The following WDR7 variants were observed in gnomAD, a reference collection of about 807,000 sequenced individuals.
WDR7 encodes WD repeat-containing protein 7.
WDR7 carries 46 observed loss-of-function variants against 169.4 expected under a neutral mutation model. The observed-to-expected ratio is 0.27, with a 90% CI of 0.21 to 0.35. The LOEUF (loss-of-function observed/expected upper bound fraction) is 0.35, where lower values mean the gene tolerates loss of function less well. Among genes scored for constraint, WDR7 ranks in the 10% least tolerant of loss-of-function variants. The pLI, the probability that WDR7 is intolerant of heterozygous loss-of-function variation, is 1.00. For missense variants in WDR7, 1,534 were observed against 1,859.3 expected (o/e 0.83, Z 3.22); for synonymous variants, 612 against 666.8 (o/e 0.92, Z 1.27).
At chr18:56,865,041 A>G (rs1225907376) in intron 20 of WDR7, among the ~76,000 whole-genome samples, 2 of 152,002 alleles carry the variant, frequency 1.3e-5, no homozygotes, top group East Asian at 3.8e-4. Context: ...ACTCTAATCC[A>G]GCGGTAAATA....
chr18:56,851,339 C>T (rs1286235546), intron 20 of WDR7, among the ~76,000 whole-genome samples: 1 of 152,090 alleles, frequency 6.6e-6, no homozygotes, highest in East Asian at 1.9e-4. Flanking sequence ...ACGCTGTTCC[C>T]ACCCTATATC....
chr18:57,011,694 T>A (rs1177218218), intron 26 of WDR7, among the ~76,000 whole-genome samples: 1 of 152,182 alleles, frequency 6.6e-6, no homozygotes, highest in African/African-American at 2.4e-5. Context: ...GGTTTTCAAC[T>A]CTCAAATCTC....
chr18:56,951,806 A>G (rs1331865644), intron 25 of WDR7, among the ~76,000 whole-genome samples: 2 of 152,168 alleles, frequency 1.3e-5, no homozygotes, highest in African/African-American at 4.8e-5. Flanking sequence ...AATAATTTTC[A>G]ACCTCTTTAA....
At chr18:56,732,463 G>A (rs567558202) in intron 14 of WDR7, among the ~76,000 whole-genome samples, 6 of 152,178 alleles carry the variant, frequency 3.9e-5, no homozygotes, top group African/African-American at 1.4e-4. Context: ...TTAGACATGT[G>A]AATAAATAGT....
intron 21 of WDR7, among the ~76,000 whole-genome samples, chr18:56,915,174 T>C (rs1004403021): frequency 2.6e-5 from 4 of 152,354 alleles, no homozygotes; most frequent in Non-Finnish European, 4.4e-5. Context: ...ACAAAGCTTC[T>C]AGTTATAGAA....
intron 12 of WDR7, among the ~76,000 whole-genome samples, chr18:56,698,232 T>C (rs475035): frequency 0.92 from 139,488 of 152,172 alleles, 65,142 homozygotes; most frequent in East Asian, 1. Context: ...CACAAGGTCA[T>C]GCTCTCTATT....
At position 56,935,939 on chromosome 18, in the gene WDR7, C is replaced by A. The variant is rs1193026600; in HGVS notation, c.3831+34C>A. On this transcript the variant is annotated intron_variant, in intron 23 of 27. Transcript: ENST00000254442. ...AACTTCTCAGTGTGCTCCATCTTCT[C>A]ATTTAGAGGAATTATTTGATACTAT... The A allele has an allele frequency of 1.9e-6, 3 of 1,560,334 alleles. No individual in the cohort carries two copies. The East Asian group carries it at 6.7e-5, about 35-fold the overall frequency.
At position 57,027,099 on chromosome 18, in the gene WDR7, G is replaced by A. The variant is rs547450912; in HGVS notation, c.4365G>A (p.Ala1455=). 28 of 1,614,136 alleles carry A rather than the reference G, an allele frequency of 1.7e-5. No individual in the cohort carries two copies. The highest frequency in any genetic ancestry group is 1.6e-4 in the South Asian group (15 of 91,088). ...ACCAGGTGCCCCCTGTGCAGCCCGC[G>A]TCCCCCGGCTCCCACAATGCCCTCA... The part of the protein sequence containing the change: ...KTYQVPPVQP[A]SPGSHNALKL... Residue 1455 remains alanine, a synonymous_variant, in exon 28 of 28, where the codon GCG becomes GCA. Transcript: ENST00000254442.
At chr18:56,661,587 G>A (rs192476687) in intron 1 of WDR7, among the ~76,000 whole-genome samples, 3 of 152,234 alleles carry the variant, frequency 2.0e-5, no homozygotes. Flanking sequence ...GAACACTGGG[G>A]CTTCCTTTAA....
chr18:56,864,441 C>G (rs1437457837), intron 20 of WDR7, among the ~76,000 whole-genome samples: 2 of 151,494 alleles, frequency 1.3e-5, no homozygotes, highest in Non-Finnish European at 3.0e-5. Flanking sequence ...AAATGAAGAA[C>G]AATTTAATGT....
intron 16 of WDR7, among the ~76,000 whole-genome samples, chr18:56,773,031 G>C (rs530087955): frequency 2.6e-5 from 4 of 152,266 alleles, no homozygotes; most frequent in African/African-American, 9.6e-5. Context: ...TATTAAAACT[G>C]TGCTTATATT....
intron 11 of WDR7, among the ~76,000 whole-genome samples, chr18:56,695,444 T>C (rs930487726): frequency 2.0e-5 from 3 of 152,146 alleles, no homozygotes; most frequent in Non-Finnish European, 4.4e-5. Flanking sequence ...TGTTAATAGT[T>C]TCATCTCTTA....
In WDR7 at chr18:56,668,072, A is replaced by C. The variant is rs2025059989; in HGVS notation, c.-19-4425A>C. 2.0e-5 allele frequency among the ~76,000 whole-genome samples: 3 copies of C among 152,158 alleles called. No individual in the cohort carries two copies. The South Asian group carries it at 6.2e-4, about 32-fold the overall frequency. On this transcript the variant is annotated intron_variant, in intron 1 of 27. Transcript: ENST00000254442. ...TAGCCTCATTGGTCTTCAGGTCCTC[A>C]GTTTTATCCCTCTCTGTTATATCAC...
chr18:57,013,001 T>C (rs1031798235), intron 26 of WDR7, among the ~76,000 whole-genome samples: 2 of 152,206 alleles, frequency 1.3e-5, no homozygotes, highest in Admixed American at 6.5e-5. Flanking sequence ...GCCTTCTTAG[T>C]ATGCTTTTTG....
intron 14 of WDR7, among the ~76,000 whole-genome samples, chr18:56,751,264 T>G (rs1306398484): frequency 1.3e-5 from 2 of 152,142 alleles, no homozygotes; most frequent in Admixed American, 1.3e-4. Context: ...ACAGAAGCAT[T>G]CACAGATCTG....
Position 56,672,495 on chromosome 18 carries a change from A to G in WDR7, c.-19-2A>G. On this transcript the variant is annotated splice_acceptor_variant, in intron 1 of 27. Transcript: ENST00000254442. LOFTEE classifies it low-confidence loss of function (5UTR_SPLICE). ...ATCTGACAATTTTTATAACATTTTCAGGTTTGAAAACACAAACACAATGGC... is the reference window on the plus strand; with the variant it reads ...ATCTGACAATTTTTATAACATTTTCGGGTTTGAAAACACAAACACAATGGC... 6.7e-7 allele frequency: 1 copy of G among 1,484,356 alleles called. No homozygotes were observed. The highest frequency in any genetic ancestry group is 9.0e-7 in the Non-Finnish European group (1 of 1,113,934). 91.9% of individuals were successfully genotyped at this position (1,484,356 alleles called of 1,614,324 possible). A position where few individuals can be genotyped will look rare whatever the true frequency, so the allele number is the denominator to read the frequency against.
intron 26 of WDR7, among the ~76,000 whole-genome samples, chr18:56,971,266 C>G (rs1366410041): frequency 6.9e-6 from 1 of 144,590 alleles, no homozygotes; most frequent in South Asian, 2.2e-4. Context: ...GCGACAAGAG[C>G]GAAATTCTGT....
At chr18:56,699,940 C>T in intron 12 of WDR7, 1 of 918,536 alleles carries the variant, frequency 1.1e-6, no homozygotes, top group Non-Finnish European at 1.3e-6. Context: ...TTTCTTTCCC[C>T]ACTCCTTCAT....
chr18:57,030,959 C>T (rs955274513), downstream of WDR7: 2 of 151,310 alleles, frequency 1.3e-5, no homozygotes, highest in African/African-American at 4.9e-5. Flanking sequence ...AATTGTGTGA[C>T]CATTGAGGTG....
Sources: allele counts gnomAD v4.1 joint callset (sites outside exome capture counted in the v4.1 genomes callset), GRCh38; gene constraint gnomAD v4.1.1; transcripts MANE v1.5; gene names NCBI Gene and HGNC (gene_info 2026-07-23, HGNC 2026-07-21).